The following MTA3 variants were observed in gnomAD, a reference collection of about 807,000 sequenced individuals.
The protein encoded by MTA3 is metastasis-associated protein MTA3.
MTA3 carries 34 observed loss-of-function variants against 83.5 expected under a neutral mutation model. That is an observed-to-expected ratio of 0.41 (90% CI 0.31 to 0.54). The LOEUF is 0.54. Among genes scored for constraint, MTA3 ranks in the 20% least tolerant of loss-of-function variants. MTA3 has a pLI of 0.33. For synonymous variants in MTA3, 303 were observed against 252.7 expected (o/e 1.20, Z -1.89); for missense variants, 761 against 726.4 (o/e 1.05, Z -0.55).
chr2:42,537,763 G>C (rs1038923758), intron 2 of MTA3, among the ~76,000 whole-genome samples: 2 of 152,092 alleles, frequency 1.3e-5, no homozygotes, highest in Non-Finnish European at 2.9e-5. Context: ...GCATTTTAAT[G>C]GGGGCTATAT....
chr2:42,562,442 C>T (rs916720379), intron 2 of MTA3, among the ~76,000 whole-genome samples: 1 of 152,114 alleles, frequency 6.6e-6, no homozygotes, highest in Admixed American at 6.6e-5. Context: ...AGCTGCTTTT[C>T]AGGGCTGGGA....
At chr2:42,520,774 C>T (rs1036742295) in intron 2 of MTA3, among the ~76,000 whole-genome samples, 3 of 151,932 alleles carry the variant, frequency 2.0e-5, no homozygotes, top group African/African-American at 4.8e-5. Flanking sequence ...CTATGTTGCC[C>T]GGGCTGGTCT....
intron 2 of MTA3, among the ~76,000 whole-genome samples, chr2:42,535,119 G>A (rs901088972): frequency 6.6e-6 from 1 of 152,060 alleles, no homozygotes; most frequent in Admixed American, 6.5e-5. Flanking sequence ...GGGCGCGGTG[G>A]CTCACGCCTG....
At chr2:42,612,476 A>T in intron 4 of MTA3, among the ~76,000 whole-genome samples, 1 of 152,170 alleles carries the variant, frequency 6.6e-6, no homozygotes, top group East Asian at 1.9e-4. Flanking sequence ...TTGGCCTCCC[A>T]AAGTGCTGGG....
intron 2 of MTA3, among the ~76,000 whole-genome samples, chr2:42,572,784 A>G (rs916118504): frequency 5.9e-5 from 9 of 152,046 alleles, no homozygotes; most frequent in East Asian, 1.9e-4. Flanking sequence ...CTGGAGTGCA[A>G]TGGCGCAATC....
At chr2:42,676,972 G>T (rs900055453) in intron 8 of MTA3, among the ~76,000 whole-genome samples, 1 of 152,032 alleles carries the variant, frequency 6.6e-6, no homozygotes, top group South Asian at 2.1e-4. Context: ...AATTACAGTA[G>T]TCTTTCTTTT....
At chr2:42,622,022 C>T (rs1347386932) in intron 4 of MTA3, among the ~76,000 whole-genome samples, 2 of 152,210 alleles carry the variant, frequency 1.3e-5, no homozygotes, top group African/African-American at 4.8e-5. Context: ...GCAGAGGCTG[C>T]AGTCTCGGCA....
At chr2:42,710,549 C>CAAAAAAAAA (rs765315082) in intron 14 of MTA3, among the ~76,000 whole-genome samples, 4 of 61,068 alleles carry the variant, frequency 6.6e-5, no homozygotes, top group Non-Finnish European at 9.0e-5. Context: ...AACTTCATCT[C>CAAAAAAAAA]AAAAAAAAAA....
At chr2:42,716,974 C>G (rs577331233) in intron 14 of MTA3, among the ~76,000 whole-genome samples, 123 of 151,020 alleles carry the variant, frequency 8.1e-4, no homozygotes, top group South Asian at 5.2e-3. Context: ...TCTCTTCAAC[C>G]TGTTTTCTCT....
At chr2:42,633,813 C>T (rs756758391) in intron 4 of MTA3, among the ~76,000 whole-genome samples, 28 of 147,824 alleles carry the variant, frequency 1.9e-4, no homozygotes, top group Non-Finnish European at 3.1e-4. Flanking sequence ...GGCGTGTACC[C>T]GGGAGGCGGA....
chr2:42,718,714 G>C (rs1667202468), intron 14 of MTA3, among the ~76,000 whole-genome samples: 1 of 152,060 alleles, frequency 6.6e-6, no homozygotes, highest in African/African-American at 2.4e-5. Flanking sequence ...AGTGAGCTGA[G>C]AGCACGCTAT....
intron 2 of MTA3, among the ~76,000 whole-genome samples, chr2:42,507,859 A>T (rs1002613915): frequency 1.3e-5 from 2 of 151,646 alleles, no homozygotes; most frequent in Middle Eastern, 3.4e-3. Flanking sequence ...TGAGCCCGGG[A>T]GGCAGAGATT....
At chr2:42,649,534 T>C (rs1688518832) in intron 6 of MTA3, among the ~76,000 whole-genome samples, 1 of 152,144 alleles carries the variant, frequency 6.6e-6, no homozygotes, top group Admixed American at 6.6e-5. Context: ...TGTTGGCAAA[T>C]AGGAAAATGT....
upstream of MTA3, chr2:42,568,613 C>T (rs543606196): frequency 3.2e-5 from 13 of 407,754 alleles, no homozygotes; most frequent in African/African-American, 2.3e-4. Context: ...TGTCCCCTCC[C>T]TTCCCTCCCT....
At chr2:42,591,336 T>C (rs1442836230) in intron 3 of MTA3, among the ~76,000 whole-genome samples, 1 of 152,166 alleles carries the variant, frequency 6.6e-6, no homozygotes, top group Non-Finnish European at 1.5e-5. Flanking sequence ...TGAATGGAGA[T>C]TCCAGGCCTT....
intron 11 of MTA3, among the ~76,000 whole-genome samples, chr2:42,702,014 C>A (rs1296332118): frequency 1.3e-5 from 2 of 150,386 alleles, no homozygotes; most frequent in African/African-American, 2.4e-5. Flanking sequence ...AGTTTGAGAC[C>A]AGCCTGGCCA....
At chr2:42,728,535 A>G (rs191562472) in intron 16 of MTA3, among the ~76,000 whole-genome samples, 4 of 152,276 alleles carry the variant, frequency 2.6e-5, no homozygotes, top group African/African-American at 4.8e-5. Context: ...TGGTTGTACT[A>G]ATTTACATTC....
intron 14 of MTA3, among the ~76,000 whole-genome samples, chr2:42,718,436 G>A (rs1394052560): frequency 1.3e-5 from 2 of 151,446 alleles, no homozygotes; most frequent in Non-Finnish European, 2.9e-5. Flanking sequence ...AGTAGAGATG[G>A]GGTTTCTCCA....
intron 14 of MTA3, among the ~76,000 whole-genome samples, chr2:42,713,812 C>T (rs1666819119): frequency 1.3e-5 from 2 of 152,092 alleles, no homozygotes; most frequent in South Asian, 2.1e-4. Flanking sequence ...AACTAGTTTC[C>T]TATTAAAAGC....
Sources: allele counts gnomAD v4.1 joint callset (sites outside exome capture counted in the v4.1 genomes callset), GRCh38; gene constraint gnomAD v4.1.1; transcripts MANE v1.5; gene names NCBI Gene and HGNC (gene_info 2026-07-23, HGNC 2026-07-21).